MYBL1: variants seen among roughly 807,000 people sequenced by gnomAD.
MYBL1 encodes myb-related protein A.
A neutral mutation model predicts 96.3 loss-of-function variants in MYBL1; 17 were observed. The ratio of observed to expected loss-of-function variants is 0.18; its 90% CI spans 0.12 to 0.26. The LOEUF (loss-of-function observed/expected upper bound fraction) is 0.26. Among genes scored for constraint, MYBL1 ranks in the 10% least tolerant of loss-of-function variants. The pLI, the probability that MYBL1 is intolerant of heterozygous loss-of-function variation, is 1.00. For synonymous variants in MYBL1, 282 were observed against 292.7 expected, an observed-to-expected ratio of 0.96 and a Z score of 0.37; for missense variants, 701 against 882.9, an observed-to-expected ratio of 0.79 and a Z score of 2.61.
intron 12 of MYBL1, among the ~76,000 whole-genome samples, chr8:66,570,812 T>A (rs1033510854): frequency 2.0e-5 from 3 of 152,166 alleles, no homozygotes; most frequent in Non-Finnish European, 2.9e-5. Flanking sequence ...TTGGTTAAAT[T>A]AAAAAAGTGT....
Position 66,586,507 on chromosome 8 carries a change from A to G in MYBL1, c.867+5933T>C, listed in dbSNP as rs140436210. 9.4e-3 allele frequency among the ~76,000 whole-genome samples: 1,430 copies of G among 152,330 alleles called. 16 individuals are homozygous for G. Among genetic ancestry groups the G allele is most frequent in the Middle Eastern group, 0.027 (8 of 294 alleles). ...ATATCATCTCACCCTTGTCAGAATG[A>G]CTATTATCAAAAAGACAAAAAATAA... On this transcript the variant is annotated intron_variant, in intron 8 of 15. Transcript: ENST00000522677.
In MYBL1 at chr8:66,613,060, G is replaced by A; in HGVS notation, c.-222C>T. The A allele has an allele frequency of 4.7e-6, 2 of 429,476 alleles. No individual in the cohort carries two copies. Among genetic ancestry groups the A allele is most frequent in the Non-Finnish European group, 7.9e-6 (2 of 251,582 alleles). 26.6% of individuals were successfully genotyped at this position (429,476 alleles called of 1,614,324 possible). On this transcript the variant is annotated 5_prime_UTR_variant, in exon 1 of 16. Coordinates refer to ENST00000522677, the MANE Select transcript of MYBL1 (RefSeq NM_001080416.4). The stretch of plus-strand genomic sequence containing the variant: ...GGCCCGCAGCGCCGCTCTTAGCCCC[G>A]GCCCGGCCCGGCCAGGGATACCCCC...
intron 9 of MYBL1, among the ~76,000 whole-genome samples, chr8:66,577,236 G>C (rs1808994561): frequency 6.7e-6 from 1 of 149,208 alleles, no homozygotes; most frequent in African/African-American, 2.5e-5. Context: ...AGGGCAATCA[G>C]GCAGGAGAAG....
At chr8:66,583,323 T>C (rs1048355577) in intron 8 of MYBL1, among the ~76,000 whole-genome samples, 4 of 152,040 alleles carry the variant, frequency 2.6e-5, no homozygotes, top group East Asian at 1.9e-4. Flanking sequence ...CCAACACCTA[T>C]GGGATACAGC....
intron 3 of MYBL1, among the ~76,000 whole-genome samples, chr8:66,601,066 A>ACTC (rs1270368990): frequency 1.3e-5 from 2 of 150,804 alleles, no homozygotes; most frequent in Non-Finnish European, 2.9e-5. Flanking sequence ...AATCCCAGCT[A>ACTC]CTCGGGAGGC....
At position 66,612,910 on chromosome 8, in the gene MYBL1, CCTT is replaced by C; in HGVS notation, c.-75_-73del. The C allele has an allele frequency of 7.6e-7, 1 of 1,314,292 alleles. No homozygotes were observed. Among genetic ancestry groups the C allele is most frequent in the East Asian group, 2.8e-5 (1 of 35,690 alleles). The allele number at this position is 1,314,292 out of a possible 1,614,324, so 81.4% of individuals were successfully genotyped here. A position where few individuals can be genotyped will look rare whatever the true frequency, so the allele number is the denominator to read the frequency against. On this transcript the variant is annotated 5_prime_UTR_variant, in exon 1 of 16. Coordinates refer to ENST00000522677, the MANE Select transcript of MYBL1 (RefSeq NM_001080416.4). ...CCTCCTCCAGCCTCCGGCGAATGCT[CCTT>C]CTCCCCGATCCTCTAGCCGCTTCCC...
chr8:66,593,253 G>T (rs1047675371), intron 6 of MYBL1, 59 bp from the exon 7 acceptor site: 1 of 1,144,530 alleles, frequency 8.7e-7, no homozygotes, highest in Non-Finnish European at 1.2e-6. Context: ...TTGAAAATCT[G>T]AAGCAAATGA....
chr8:66,594,971 A>G (rs1226581978), intron 6 of MYBL1, among the ~76,000 whole-genome samples: 2 of 152,180 alleles, frequency 1.3e-5, no homozygotes, highest in African/African-American at 4.8e-5. Context: ...GGGAAATGTA[A>G]AACAAATCTC....
At chr8:66,607,857 T>A (rs1810383376) in intron 1 of MYBL1, among the ~76,000 whole-genome samples, 1 of 152,214 alleles carries the variant, frequency 6.6e-6, no homozygotes, top group African/African-American at 2.4e-5. Context: ...TACCACTTCC[T>A]GACACCCCAA....
chr8:66,599,074 A>G lies in MYBL1; in HGVS notation c.267T>C (p.Pro89=). ...CCCTCTGATCTTCTTCTTTAGTCCA[A>G]GGACCCTTTATCAATTCAGGATTTA... ...KVLNPELIKG[P]WTKEEDQRVI... The change falls in exon 4 of 16, where the codon CCT becomes CCC. Residue 89 remains proline (P), a synonymous_variant. Coordinates refer to ENST00000522677, the MANE Select transcript of MYBL1 (RefSeq NM_001080416.4). 2 of 1,600,044 alleles carry G rather than the reference A, an allele frequency of 1.2e-6. No individual in the cohort carries two copies. Among genetic ancestry groups the G allele is most frequent in the Admixed American group, 1.7e-5 (1 of 57,728 alleles).
At chr8:66,575,357 GA>G (rs1256662984) in intron 10 of MYBL1, among the ~76,000 whole-genome samples, 2 of 152,174 alleles carry the variant, frequency 1.3e-5, no homozygotes, top group Non-Finnish European at 2.9e-5. Flanking sequence ...AGTCAGTCAG[GA>G]AACCGGATCT....
Position 66,575,987 on chromosome 8 carries a change from A to C in MYBL1, c.1470+20T>G. On this transcript the variant is annotated intron_variant, in intron 10 of 15. Transcript: ENST00000522677. ...TAACTCATTGACATTTAGAAACATA[A>C]ACAAAATGAACACCACTACCTGTGA... 6.3e-7 allele frequency: 1 copy of C among 1,591,656 alleles called. No individual in the cohort carries two copies. Among genetic ancestry groups the C allele is most frequent in the Non-Finnish European group, 8.6e-7 (1 of 1,167,562 alleles).
chr8:66,586,459 A>G (rs1024571878), intron 8 of MYBL1, among the ~76,000 whole-genome samples: 4 of 152,234 alleles, frequency 2.6e-5, no homozygotes, highest in African/African-American at 9.6e-5. Flanking sequence ...CATCAGGGAA[A>G]TGCAAATCAA....
chr8:66,593,324 A>T (rs1445894153), intron 6 of MYBL1, 130 bp from the exon 7 acceptor site: 3 of 545,288 alleles, frequency 5.5e-6, no homozygotes, highest in African/African-American at 1.9e-5. Flanking sequence ...TTAATTTTGA[A>T]ATGTTATACC....
intron 6 of MYBL1, among the ~76,000 whole-genome samples, chr8:66,593,608 T>G (rs1229595149): frequency 6.6e-6 from 1 of 152,066 alleles, no homozygotes; most frequent in Non-Finnish European, 1.5e-5. Context: ...CTGAAGCAAG[T>G]TTTTCAATGT....
At position 66,566,337 on chromosome 8, in the gene MYBL1, T is replaced by C. The variant is rs1808501907; in HGVS notation, c.1951-94A>G. 8.6e-6 allele frequency: 6 copies of C among 694,584 alleles called. No individual in the cohort carries two copies. The South Asian group carries it at 1.5e-4, about 18-fold the overall frequency. 43.0% of individuals were successfully genotyped at this position (694,584 alleles called of 1,614,324 possible). A position where few individuals can be genotyped will look rare whatever the true frequency, so the allele number is the denominator to read the frequency against. On this transcript the variant is annotated intron_variant, in intron 14 of 15. Coordinates refer to ENST00000522677, the MANE Select transcript of MYBL1 (RefSeq NM_001080416.4). Reference sequence around the variant, plus strand: ...TAAGTGGTAATGGAAGCCCTGTTTATTTCCCTCCAAGAAAGCATTTGGCTC... The same window carrying C: ...TAAGTGGTAATGGAAGCCCTGTTTACTTCCCTCCAAGAAAGCATTTGGCTC...
chr8:66,602,424 C>T lies in MYBL1; in HGVS notation c.120G>A (p.Arg40=), dbSNP rs1240235789. 4.4e-6 allele frequency: 7 copies of T among 1,584,420 alleles called. No homozygotes were observed. In the African/African-American group the frequency reaches 8.2e-5, roughly 18 times the overall value. The change falls in exon 2 of 16, where the codon AGG becomes AGA. Residue 40 remains arginine (R), a synonymous_variant. Transcript: ENST00000522677. ...KKLWNRVKWT[R]DEDDKLKKLV... is the part of the protein sequence containing the mutation. ...AACCTTGTCAGATAATTACCTCGTCCCTTGTCCATTTTACTCTGTTCCAGA... is the reference window on the plus strand; with the variant it reads ...AACCTTGTCAGATAATTACCTCGTCTCTTGTCCATTTTACTCTGTTCCAGA...
chr8:66,602,902 C>T (rs752154508), intron 1 of MYBL1, among the ~76,000 whole-genome samples: 2 of 151,150 alleles, frequency 1.3e-5, no homozygotes, highest in African/African-American at 2.4e-5. Context: ...CCCACCACTA[C>T]GCCCAGCTAA....
intron 1 of MYBL1, among the ~76,000 whole-genome samples, chr8:66,607,133 A>AC (rs1471201021): frequency 1.1e-3 from 169 of 149,966 alleles, no homozygotes; most frequent in Non-Finnish European, 1.9e-3. Context: ...AAACAACAAA[A>AC]AAAAAAAAAA....
Sources: gnomAD v4.1 joint callset for allele counts (sites outside exome capture counted in the v4.1 genomes callset) on GRCh38, gnomAD v4.1.1 for gene constraint, MANE v1.5 for transcripts, NCBI Gene and HGNC (gene_info 2026-07-23, HGNC 2026-07-21) for gene names.